NUDC: variants seen among roughly 807,000 people sequenced by gnomAD.
NUDC encodes nuclear distribution C, dynein complex regulator.
Under a neutral mutation model 45.0 loss-of-function variants are expected in NUDC, and 14 were observed. That is an observed-to-expected ratio of 0.31 (90% CI 0.21 to 0.49). The LOEUF (loss-of-function observed/expected upper bound fraction) is 0.49. Among genes scored for constraint, NUDC ranks in the 20% least tolerant of loss-of-function variants. The probability of loss-of-function intolerance (pLI) is 0.99; values close to 1 mark genes in which losing one functional copy is unlikely to be tolerated. For missense variants in NUDC, 323 were observed against 426.2 expected (o/e 0.76, Z 2.13); for synonymous variants, 153 against 156.7 (o/e 0.98, Z 0.17).
intron 8 of NUDC, 101 bp from the exon 9 acceptor site, chr1:26,946,029 G>C (rs2082315149): frequency 1.7e-6 from 2 of 1,177,730 alleles, no homozygotes; most frequent in Non-Finnish European, 2.6e-6. Context: ...GCTTGGTGTT[G>C]CTGAGGTCTA....
intron 2 of NUDC, among the ~76,000 whole-genome samples, chr1:26,927,547 G>T (rs1280695573): frequency 6.6e-6 from 1 of 151,602 alleles, no homozygotes; most frequent in Non-Finnish European, 1.5e-5. Context: ...ACAGGCGCCC[G>T]CCCCTATGCC....
chr1:26,946,329 G>A lies in NUDC; in HGVS notation c.*148G>A. On this transcript the variant is annotated 3_prime_UTR_variant, in exon 9 of 9. Coordinates refer to ENST00000321265, the MANE Select transcript of NUDC (RefSeq NM_006600.4). The stretch of plus-strand genomic sequence containing the variant: ...ACAGGTCCCGGGGCATCAGGAGAAA[G>A]GCTGGGTCTTGGGACCTTGTCCTCC... The A allele has an allele frequency of 1.3e-6, 1 of 755,202 alleles. No homozygotes were observed. Among genetic ancestry groups the A allele is most frequent in the East Asian group, 2.6e-5 (1 of 38,662 alleles). 46.8% of individuals were successfully genotyped at this position (755,202 alleles called of 1,614,324 possible).
At chr1:26,929,729 A>C in intron 2 of NUDC, 1 of 452,580 alleles carries the variant, frequency 2.2e-6, no homozygotes, top group South Asian at 1.6e-5. Context: ...ACTGTTTAAA[A>C]ACATAACTGT....
chr1:26,921,776 G>A lies in NUDC; in HGVS notation c.-73G>A, dbSNP rs560634289. 2.1e-5 allele frequency: 32 copies of A among 1,491,174 alleles called. No homozygotes were observed. In the African/African-American group the frequency reaches 2.5e-4, roughly 12 times the overall value. The allele number at this position is 1,491,174 out of a possible 1,614,324, so 92.4% of individuals were successfully genotyped here. On this transcript the variant is annotated 5_prime_UTR_variant, in exon 1 of 9. Coordinates refer to ENST00000321265, the MANE Select transcript of NUDC (RefSeq NM_006600.4). ...CGGACGACTAGAGTCGTTGGGCCCGGCGCGACCCGCAGGAGCGTAGAGAGC... is the reference window on the plus strand; with the variant it reads ...CGGACGACTAGAGTCGTTGGGCCCGACGCGACCCGCAGGAGCGTAGAGAGC...
rs746839640 is a variant in NUDC, at chr1:26,945,448, A to G, written c.800A>G (p.Lys267Arg). The part of the protein sequence containing the change: ...LVSSDPEINT[K>R]KINPENSKLS... ...TCCAGTGACCCTGAGATCAACACCA[A>G]GAAGATTAACCCTGAGAATTCCAAG... Residue 267 changes from lysine (K) to arginine (R), a missense_variant, in exon 7 of 9, where the codon AAG becomes AGG. By Grantham distance (26) the Lys-to-Arg change is conservative (BLOSUM62 2). This residue lies in a region of NUDC where 54 missense variants were observed against 100.2 expected (regional missense o/e 0.54). Transcript: ENST00000321265. The G allele has an allele frequency of 6.2e-7, 1 of 1,614,186 alleles. No individual in the cohort carries two copies. The highest frequency in any genetic ancestry group is 1.1e-5 in the South Asian group (1 of 91,082).
intron 2 of NUDC, among the ~76,000 whole-genome samples, chr1:26,934,247 A>C (rs1400616546): frequency 6.6e-6 from 1 of 152,238 alleles, no homozygotes; most frequent in Non-Finnish European, 1.5e-5. Flanking sequence ...ATTTCTTCAC[A>C]GATTGGCAGG....
chr1:26,928,905 C>T (rs1392400927), intron 2 of NUDC, among the ~76,000 whole-genome samples: 1 of 152,142 alleles, frequency 6.6e-6, no homozygotes. Flanking sequence ...TATGTTCTAG[C>T]AGTCATGCTT....
In NUDC at chr1:26,905,232, C is replaced by T. The variant is rs372559586; in HGVS notation, c.-16+2866C>T. ...CTGGAGTGCAATGGCACCATCTCGGCTCACTGCAACCTCCGCCTCCTGGGT... is the reference window on the plus strand; with the variant it reads ...CTGGAGTGCAATGGCACCATCTCGGTTCACTGCAACCTCCGCCTCCTGGGT... On this transcript the variant is annotated intron_variant, in intron 2 of 6. Transcript: ENST00000435827. Among the ~76,000 whole-genome samples, 40 of 147,742 alleles carry T rather than the reference C, an allele frequency of 2.7e-4. 1 individual carries two copies. In the East Asian group the frequency reaches 6.1e-3, roughly 22 times the overall value.
rs549203709 is a variant in NUDC, at chr1:26,946,330, G to A, written c.*149G>A. 496 of 749,650 alleles carry A rather than the reference G, an allele frequency of 6.6e-4. 7 individuals are homozygous for A. Among genetic ancestry groups the A allele is most frequent in the South Asian group, 5.0e-3 (351 of 69,908 alleles). 46.4% of individuals were successfully genotyped at this position (749,650 alleles called of 1,614,324 possible). On this transcript the variant is annotated 3_prime_UTR_variant, in exon 9 of 9. Coordinates refer to ENST00000321265, the MANE Select transcript of NUDC (RefSeq NM_006600.4). ...CAGGTCCCGGGGCATCAGGAGAAAG[G>A]CTGGGTCTTGGGACCTTGTCCTCCC...
At chr1:26,913,761 C>T (rs1380157800) in intron 3 of NUDC, 10 of 1,577,164 alleles carry the variant, frequency 6.3e-6, no homozygotes, top group East Asian at 2.3e-5. Flanking sequence ...CCAGAACATC[C>T]AAGGCCTCCC....
At chr1:26,939,875 C>T (rs889411568) in intron 2 of NUDC, among the ~76,000 whole-genome samples, 6 of 152,166 alleles carry the variant, frequency 3.9e-5, no homozygotes, top group African/African-American at 1.4e-4. Context: ...CCTCACTAGG[C>T]TCTTGATTTG....
intron 1 of NUDC, among the ~76,000 whole-genome samples, chr1:26,901,426 A>T (rs1570705020): frequency 2.5e-4 from 24 of 96,154 alleles, no homozygotes; most frequent in East Asian, 6.7e-4. Flanking sequence ...TTTTTTTGAG[A>T]TGGAGCCTCG....
In NUDC at chr1:26,945,376, T is replaced by G. The variant is rs2082309877; in HGVS notation, c.742-14T>G. ...AGCAGGCCACCTCCCACCCTCTGGT[T>G]GTTCTCTTCACAGATCAATAAGATG... On this transcript the variant is annotated splice_polypyrimidine_tract_variant and intron_variant, in intron 6 of 8. Coordinates refer to ENST00000321265, the MANE Select transcript of NUDC (RefSeq NM_006600.4). 7.4e-6 allele frequency: 12 copies of G among 1,613,012 alleles called. No homozygotes were observed. The highest frequency in any genetic ancestry group is 6.7e-5 in the East Asian group (3 of 44,872).
At chr1:26,941,110 T>TG (rs1361036690) in intron 2 of NUDC, among the ~76,000 whole-genome samples, 4 of 145,082 alleles carry the variant, frequency 2.8e-5, no homozygotes, top group Admixed American at 2.1e-4. Flanking sequence ...TTTTTTTTTT[T>TG]GTATTTTTGG....
intron 3 of NUDC, chr1:26,913,262 G>A: frequency 1.3e-6 from 1 of 767,782 alleles, no homozygotes; most frequent in Non-Finnish European, 2.2e-6. Flanking sequence ...ACTCCAGACT[G>A]GGTGACAGAG....
At chr1:26,907,260 G>A (rs1392727183) in intron 2 of NUDC, among the ~76,000 whole-genome samples, 2 of 152,170 alleles carry the variant, frequency 1.3e-5, no homozygotes, top group East Asian at 3.8e-4. Context: ...GTCACCACTT[G>A]GGTAAAGCAT....
intron 2 of NUDC, among the ~76,000 whole-genome samples, chr1:26,939,774 A>G (rs2082262679): frequency 6.6e-6 from 1 of 152,218 alleles, no homozygotes; most frequent in Admixed American, 6.5e-5. Context: ...TTTCTGATCC[A>G]GTAGATCTGG....
chr1:26,901,105 A>C (rs1220075146), intron 1 of NUDC, among the ~76,000 whole-genome samples: 1 of 152,196 alleles, frequency 6.6e-6, no homozygotes, highest in African/African-American at 2.4e-5. Flanking sequence ...CCACTTTGGG[A>C]AACAATTGGC....
intron 4 of NUDC, 135 bp from the exon 5 acceptor site, chr1:26,942,523 CTG>C (rs934268327): frequency 7.9e-7 from 1 of 1,260,676 alleles, no homozygotes; most frequent in African/African-American, 1.5e-5. Flanking sequence ...GTCTGCCCCT[CTG>C]TGGAGTGGGC....
Sources: gnomAD v4.1 joint callset for allele counts (sites outside exome capture counted in the v4.1 genomes callset) on GRCh38, gnomAD v4.1.1 for gene constraint, gnomAD v4.1.1 regional missense constraint, MANE v1.5 for transcripts, NCBI Gene and HGNC (gene_info 2026-07-23, HGNC 2026-07-21) for gene names.